TASP1: variants seen among roughly 807,000 people sequenced by gnomAD.
TASP1 encodes threonine aspartase 1.
Under a neutral mutation model 56.6 loss-of-function variants are expected in TASP1, and 16 were observed. The observed-to-expected ratio is 0.28, with a 90% CI of 0.19 to 0.43. The LOEUF is 0.43. TASP1 is among the 20% of genes least tolerant of loss of function. The pLI is 1.00. For synonymous variants in TASP1, 179 were observed against 184.2 expected (o/e 0.97, Z 0.23); for missense variants, 393 against 511.6 (o/e 0.77, Z 2.24).
At chr20:13,427,919 T>C (rs2042672689) in intron 12 of TASP1, among the ~76,000 whole-genome samples, 1 of 152,184 alleles carries the variant, frequency 6.6e-6, no homozygotes, top group Non-Finnish European at 1.5e-5. Flanking sequence ...AGTTATTCTC[T>C]GCATAAGGTG....
chr20:13,368,184 A>G, the TASP1 span: 1 of 152,046 alleles, frequency 6.6e-6, no homozygotes, highest in Admixed American at 6.6e-5. Flanking sequence ...AAGAACAGAA[A>G]CTCCCAGGTG....
the TASP1 span, among the ~76,000 whole-genome samples, chr20:13,253,940 AG>A: frequency 6.6e-6 from 1 of 151,702 alleles, no homozygotes; most frequent in African/African-American, 2.4e-5. Flanking sequence ...TTTATGGGCC[AG>A]GCACAGTGGC....
At chr20:13,257,362 A>G in the TASP1 span, among the ~76,000 whole-genome samples, 1 of 152,076 alleles carries the variant, frequency 6.6e-6, no homozygotes, top group Non-Finnish European at 1.5e-5. Context: ...TAAAAATACA[A>G]AAAAATTAGC....
At chr20:13,557,391 G>T (rs923323994) in intron 8 of TASP1, among the ~76,000 whole-genome samples, 9 of 151,966 alleles carry the variant, frequency 5.9e-5, no homozygotes, top group African/African-American at 2.2e-4. Context: ...GCAAGAAAAA[G>T]CATTTACTGT....
At chr20:13,638,407 C>G (rs2049389975) in intron 1 of TASP1, among the ~76,000 whole-genome samples, 2 of 151,948 alleles carry the variant, frequency 1.3e-5, no homozygotes, top group South Asian at 4.2e-4. Context: ...TCCTTTCCTC[C>G]TCCTCTTCTT....
At chr20:13,601,738 G>A (rs556740512) in intron 4 of TASP1, among the ~76,000 whole-genome samples, 1 of 152,054 alleles carries the variant, frequency 6.6e-6, no homozygotes, top group Non-Finnish European at 1.5e-5. Flanking sequence ...ACACTACACT[G>A]TGTAAGGCAT....
At chr20:13,186,079 A>T in the TASP1 span, among the ~76,000 whole-genome samples, 3 of 152,128 alleles carry the variant, frequency 2.0e-5, no homozygotes, top group African/African-American at 7.2e-5. Flanking sequence ...AATTTTGGTG[A>T]ATTTGTGGAG....
the TASP1 span, among the ~76,000 whole-genome samples, chr20:13,155,718 C>A: frequency 6.6e-6 from 1 of 151,854 alleles, no homozygotes; most frequent in Non-Finnish European, 1.5e-5. Flanking sequence ...CCCAGCTACT[C>A]GGGAGGCTGA....
At chr20:13,160,383 C>G in the TASP1 span, among the ~76,000 whole-genome samples, 30 of 152,212 alleles carry the variant, frequency 2.0e-4, no homozygotes, top group Admixed American at 2.0e-3. Context: ...AAAAGACTGA[C>G]TGAGTAGCCA....
chr20:13,105,051 C>T, the TASP1 span, among the ~76,000 whole-genome samples: 1 of 152,108 alleles, frequency 6.6e-6, no homozygotes, highest in Non-Finnish European at 1.5e-5. Flanking sequence ...CTTGCTGAAA[C>T]GGTAGAATCC....
At chr20:13,472,958 C>A (rs1257056159) in intron 11 of TASP1, among the ~76,000 whole-genome samples, 1 of 152,054 alleles carries the variant, frequency 6.6e-6, no homozygotes, top group Admixed American at 6.5e-5. Flanking sequence ...CTAGAAAGAC[C>A]ATTTGACCCA....
At chr20:13,224,788 C>T in the TASP1 span, among the ~76,000 whole-genome samples, 1 of 151,642 alleles carries the variant, frequency 6.6e-6, no homozygotes, top group Non-Finnish European at 1.5e-5. Context: ...TTATTAAGTG[C>T]CTTTTATGTG....
chr20:13,488,523 C>T (rs970784418), intron 10 of TASP1, among the ~76,000 whole-genome samples: 1 of 152,104 alleles, frequency 6.6e-6, no homozygotes, highest in East Asian at 1.9e-4. Context: ...AGACATGTAA[C>T]GACAAATTCA....
At chr20:13,120,864 G>GA in the TASP1 span, among the ~76,000 whole-genome samples, 2 of 152,290 alleles carry the variant, frequency 1.3e-5, no homozygotes, top group Middle Eastern at 3.4e-3. Context: ...AGCCAGCAGA[G>GA]TTTTGCTGTT....
At chr20:13,570,516 G>A (rs1024159420) in intron 6 of TASP1, among the ~76,000 whole-genome samples, 1 of 152,026 alleles carries the variant, frequency 6.6e-6, no homozygotes, top group Non-Finnish European at 1.5e-5. Context: ...ACCAGTGACA[G>A]ACTGGCAAAA....
the TASP1 span, among the ~76,000 whole-genome samples, chr20:13,336,359 GC>G: frequency 6.6e-6 from 1 of 152,172 alleles, no homozygotes; most frequent in Non-Finnish European, 1.5e-5. Context: ...CTTGGCTCAT[GC>G]CCCGTCCTGC....
chr20:13,525,444 C>G (rs529778894), intron 10 of TASP1, among the ~76,000 whole-genome samples: 5 of 152,232 alleles, frequency 3.3e-5, no homozygotes, highest in Admixed American at 6.5e-5. Flanking sequence ...TCTCCCCAAG[C>G]CCTTACTCAT....
intron 2 of TASP1, among the ~76,000 whole-genome samples, chr20:13,627,483 G>A (rs2048933434): frequency 6.6e-6 from 1 of 152,162 alleles, no homozygotes; most frequent in Non-Finnish European, 1.5e-5. Flanking sequence ...TGGGCACGGT[G>A]GCTCATGCCT....
the TASP1 span, among the ~76,000 whole-genome samples, chr20:13,150,689 TA>T: frequency 1.3e-5 from 2 of 152,212 alleles, no homozygotes; most frequent in Non-Finnish European, 2.9e-5. Flanking sequence ...TCAATTCCTG[TA>T]GTCTCACCTC....
Sources: allele counts gnomAD v4.1 joint callset (sites outside exome capture counted in the v4.1 genomes callset), GRCh38; gene constraint gnomAD v4.1.1; transcripts MANE v1.5; gene names NCBI Gene and HGNC (gene_info 2026-07-23, HGNC 2026-07-21).